The following NRG3 variants were observed in gnomAD, a reference collection of about 807,000 sequenced individuals.
The protein encoded by NRG3 is pro-neuregulin-3, membrane-bound isoform.
NRG3 carries 31 observed loss-of-function variants against 66.9 expected under a neutral mutation model. That is an observed-to-expected ratio of 0.46 (90% confidence interval 0.35 to 0.63). NRG3 has a LOEUF of 0.63. NRG3 is among the 20% of genes least tolerant of loss of function. NRG3 has a pLI of 0.00. For synonymous variants in NRG3, 393 were observed against 359.4 expected, an observed-to-expected ratio of 1.09 and a Z score of -1.06; for missense variants, 910 against 878.9, an observed-to-expected ratio of 1.04 and a Z score of -0.45.
intron 2 of NRG3, among the ~76,000 whole-genome samples, chr10:82,556,278 T>G (rs2044644318): frequency 1.3e-5 from 2 of 152,190 alleles, no homozygotes; most frequent in African/African-American, 4.8e-5. Context: ...TCTCCTATGT[T>G]ATCTCATTCC....
At chr10:82,359,003 C>G in intron 2 of NRG3, 135 bp downstream of exon 2, 1 of 1,267,356 alleles carries the variant, frequency 7.9e-7, no homozygotes, top group Admixed American at 2.1e-5. Context: ...AATTGCGAGT[C>G]TTAATTTGGA....
chr10:81,999,161 A>G (rs1459542736), intron 1 of NRG3, among the ~76,000 whole-genome samples: 1 of 152,216 alleles, frequency 6.6e-6, no homozygotes, highest in Non-Finnish European at 1.5e-5. Flanking sequence ...TACTACTTGA[A>G]TGATTATTGA....
intron 1 of NRG3, among the ~76,000 whole-genome samples, chr10:82,344,384 G>A (rs1449793842): frequency 6.6e-6 from 1 of 150,910 alleles, no homozygotes; most frequent in Non-Finnish European, 1.5e-5. Flanking sequence ...CCCTACAAAG[G>A]ACATGAACTC....
At chr10:82,021,233 T>C (rs747048190) in intron 1 of NRG3, among the ~76,000 whole-genome samples, 6 of 152,094 alleles carry the variant, frequency 3.9e-5, no homozygotes, top group Non-Finnish European at 4.4e-5. Context: ...ACGGTGTTGA[T>C]GAGCTCTTAC....
chr10:82,756,380 T>C (rs1591424243), intron 3 of NRG3, among the ~76,000 whole-genome samples: 1 of 152,044 alleles, frequency 6.6e-6, no homozygotes, highest in African/African-American at 2.4e-5. Context: ...CCTTTCCCGG[T>C]TTTACATACT....
chr10:82,420,700 G>A (rs921189721), intron 2 of NRG3, among the ~76,000 whole-genome samples: 5 of 152,068 alleles, frequency 3.3e-5, no homozygotes, highest in African/African-American at 1.2e-4. Flanking sequence ...TAAAATTGAT[G>A]TTCATGTATA....
At chr10:82,696,839 T>C (rs1033590694) in intron 2 of NRG3, among the ~76,000 whole-genome samples, 1 of 152,210 alleles carries the variant, frequency 6.6e-6, no homozygotes, top group Non-Finnish European at 1.5e-5. Flanking sequence ...TCAAGTAAAA[T>C]GTATAGCACA....
chr10:82,700,733 G>T (rs2055805223), intron 2 of NRG3, among the ~76,000 whole-genome samples: 3 of 151,998 alleles, frequency 2.0e-5, no homozygotes, highest in African/African-American at 7.2e-5. Flanking sequence ...GTGATCTTCT[G>T]TGTTCTTTGT....
intron 2 of NRG3, among the ~76,000 whole-genome samples, chr10:82,599,658 A>G (rs914078459): frequency 1.3e-5 from 2 of 152,142 alleles, no homozygotes. Flanking sequence ...TATTAAAAAT[A>G]CAAAAAATAG....
intron 2 of NRG3, among the ~76,000 whole-genome samples, chr10:82,527,806 G>A (rs370205276): frequency 3.5e-4 from 53 of 151,940 alleles, no homozygotes; most frequent in Middle Eastern, 3.4e-3. Context: ...CCCTCTCTCC[G>A]TCTCTCCTTT....
intron 4 of NRG3, among the ~76,000 whole-genome samples, chr10:82,896,566 A>G (rs1366561497): frequency 6.6e-6 from 1 of 152,200 alleles, no homozygotes; most frequent in African/African-American, 2.4e-5. Flanking sequence ...TGATGTTTTG[A>G]TTTTCTACAT....
chr10:82,283,991 G>T (rs563489993), intron 1 of NRG3, among the ~76,000 whole-genome samples: 5 of 152,212 alleles, frequency 3.3e-5, no homozygotes, highest in Non-Finnish European at 7.3e-5. Flanking sequence ...AAGAGAGAAA[G>T]TTAGAGAGAG....
intron 1 of NRG3, among the ~76,000 whole-genome samples, chr10:81,926,741 G>A (rs909815900): frequency 2.6e-5 from 4 of 152,202 alleles, no homozygotes; most frequent in Non-Finnish European, 5.9e-5. Context: ...TATGAGCAAG[G>A]TTGAGTACCA....
intron 3 of NRG3, among the ~76,000 whole-genome samples, chr10:82,852,665 C>T (rs2063619260): frequency 6.6e-6 from 1 of 152,058 alleles, no homozygotes; most frequent in South Asian, 2.1e-4. Flanking sequence ...GGATTCTATT[C>T]GTTTGCCTTG....
chr10:82,117,762 A>G (rs928095728), intron 1 of NRG3, among the ~76,000 whole-genome samples: 1 of 152,134 alleles, frequency 6.6e-6, no homozygotes, highest in Non-Finnish European at 1.5e-5. Flanking sequence ...TTTGTAGCCC[A>G]TGCCTAATAT....
At chr10:82,773,994 A>G (rs1027066081) in intron 3 of NRG3, among the ~76,000 whole-genome samples, 3 of 152,242 alleles carry the variant, frequency 2.0e-5, no homozygotes, top group African/African-American at 4.8e-5. Context: ...TTAATGTGAT[A>G]TATCACAGTG....
intron 2 of NRG3, among the ~76,000 whole-genome samples, chr10:82,426,372 A>G (rs774999724): frequency 5.9e-5 from 9 of 152,064 alleles, no homozygotes; most frequent in South Asian, 2.1e-4. Context: ...GTTGTCTCCA[A>G]TAGTGGCTTC....
chr10:82,140,966 C>T lies in NRG3; in HGVS notation c.824-217773C>T, dbSNP rs543081555. ...AATAAATTCTACAATTTCTTAAATT[C>T]ATATATATGTATATATGCACATACA... On this transcript the variant is annotated intron_variant, in intron 1 of 8. Transcript: ENST00000372141. Among the ~76,000 whole-genome samples, 183 of 152,008 alleles carry T rather than the reference C, an allele frequency of 1.2e-3. 1 individual carries two copies. Among genetic ancestry groups the T allele is most frequent in the Non-Finnish European group, 2.0e-3 (138 of 67,976 alleles).
At chr10:81,904,005 TTTTG>T (rs1554852251) in intron 1 of NRG3, among the ~76,000 whole-genome samples, 15 of 146,972 alleles carry the variant, frequency 1.0e-4, no homozygotes, top group South Asian at 6.4e-4. Context: ...TATTTTTTTT[TTTTG>T]TTTGTTTGTT....
Sources: gnomAD v4.1 joint callset for allele counts (sites outside exome capture counted in the v4.1 genomes callset) on GRCh38, gnomAD v4.1.1 for gene constraint, MANE v1.5 for transcripts, NCBI Gene and HGNC (gene_info 2026-07-23, HGNC 2026-07-21) for gene names.